Variants in SPRY2 observed in about 807,000 individuals in gnomAD.
SPRY2 encodes the protein protein sprouty homolog 2.
In SPRY2, 10 loss-of-function variants were observed where a neutral mutation model predicts 23.4. The ratio of observed to expected loss-of-function variants is 0.43; its 90% CI spans 0.26 to 0.73. The LOEUF is 0.73. Ranked by LOEUF, SPRY2 falls within the 30% of genes least tolerant of loss-of-function variation. The pLI is 0.22. For synonymous variants in SPRY2, 170 were observed against 156.9 expected (o/e 1.08, Z -0.62); for missense variants, 344 against 396.9 (o/e 0.87, Z 1.13).
intron 1 of SPRY2, among the ~76,000 whole-genome samples, chr13:80,338,141 G>T (rs1251916331): frequency 6.6e-6 from 1 of 152,086 alleles, no homozygotes; most frequent in African/African-American, 2.4e-5. Context: ...TTTGAAATAG[G>T]TTTCCATTTG....
rs917053775 is a variant in SPRY2 at position 80,337,761 on chromosome 13, G to C, written c.-51-5C>G. 27 of 1,534,834 alleles carry C rather than the reference G, an allele frequency of 1.8e-5. No individual in the cohort carries two copies. The highest frequency in any genetic ancestry group is 2.3e-5 in the Non-Finnish European group (26 of 1,122,614). The stretch of plus-strand genomic sequence containing the variant: ...GCTTAGAACACATCTGAACTCCTGA[G>C]GAAGCCAAGAGGAAAGAACGGTTGA... On this transcript the variant is annotated splice_polypyrimidine_tract_variant and splice_region_variant and intron_variant, in intron 1 of 1. Coordinates refer to ENST00000377104, the MANE Select transcript of SPRY2 (RefSeq NM_005842.4).
In SPRY2 at chr13:80,339,973, A is replaced by C. The variant is rs537765657; in HGVS notation, c.-52+649T>G. On this transcript the variant is annotated intron_variant, in intron 1 of 1. Transcript: ENST00000377104. Reference sequence around the variant, plus strand: ...CCAGGCTGACCACGAAGAACGGAAGAGAGAGAGCTGCACTTCCGAACCGCA... The same window carrying C: ...CCAGGCTGACCACGAAGAACGGAAGCGAGAGAGCTGCACTTCCGAACCGCA... 2.0e-5 allele frequency among the ~76,000 whole-genome samples: 3 copies of C among 152,336 alleles called. No homozygotes were observed. In the East Asian group the frequency reaches 5.8e-4, roughly 29 times the overall value.
chr13:80,339,520 C>A (rs1437370138), intron 1 of SPRY2: 1 of 152,154 alleles, frequency 6.6e-6, no homozygotes, highest in Non-Finnish European at 1.5e-5. Context: ...GATTTGCTTG[C>A]AGTCAAAGTA....
Position 80,336,538 on chromosome 13 carries a change from C to G in SPRY2, c.*220G>C. 3 of 619,548 alleles carry G rather than the reference C, an allele frequency of 4.8e-6. No homozygotes were observed. In the East Asian group the frequency reaches 8.4e-5, roughly 17 times the overall value. 38.4% of individuals were successfully genotyped at this position (619,548 alleles called of 1,614,324 possible). ...TTTAGCTTATGCAATACATGGGTCA[C>G]CAAGTTCTGTATCTCATACTTTGAG... On this transcript the variant is annotated 3_prime_UTR_variant, in exon 2 of 2. Coordinates refer to ENST00000377104, the MANE Select transcript of SPRY2 (RefSeq NM_005842.4).
Position 80,337,627 on chromosome 13 carries a change from C to T in SPRY2, c.79G>A (p.Glu27Lys). Residue 27 changes from glutamate (E) to lysine (K), a missense_variant, in exon 2 of 2, where the codon GAG becomes AAG. By Grantham distance (56) the Glu-to-Lys change is moderately conservative. Transcript: ENST00000377104. ...GTGAGGGCGTCTCTGGGGTCGGGCT[C>T]CCCACGCTGTCTGCCACCGTCACGG... The part of the protein sequence containing the change: ...TPRDGGRQRG[E>K]PDPRDALTQQ... The T allele has an allele frequency of 6.2e-7, 1 of 1,614,022 alleles. No homozygotes were observed. The highest frequency in any genetic ancestry group is 8.5e-7 in the Non-Finnish European group (1 of 1,180,032).
In SPRY2 at chr13:80,337,568, G is replaced by A; in HGVS notation, c.138C>T (p.Ile46=). 1 of 1,614,136 alleles carries A rather than the reference G, an allele frequency of 6.2e-7. No individual in the cohort carries two copies. The highest frequency in any genetic ancestry group is 8.5e-7 in the Non-Finnish European group (1 of 1,180,036). The change falls in exon 2 of 2, where the codon ATC becomes ATT. Residue 46 remains isoleucine, a synonymous_variant. Transcript: ENST00000377104. ...QQVHVLSLDQ[I]RAIRNTNEYT... is the part of the protein sequence containing the mutation. Reference sequence around the variant, plus strand: ...ACTCATTGGTGTTTCGGATGGCTCTGATCTGATCCAGAGACAAGACATGTA... The same window carrying A: ...ACTCATTGGTGTTTCGGATGGCTCTAATCTGATCCAGAGACAAGACATGTA...
Position 80,337,685 on chromosome 13 carries a change from A to C in SPRY2, c.21T>G (p.Ser7Arg). ...GCAGCAAGGGCTGCGACCCGTTGCC[A>C]CTCTGAGCTCTGGCCTCCATCAGGT... MEARAQSGNGSQPLLQT... is the reference protein window; with the variant it reads MEARAQRGNGSQPLLQT... The change falls in exon 2 of 2, where the codon AGT becomes AGG. Residue 7 changes from serine (S) to arginine (R), a missense_variant. Coordinates refer to ENST00000377104, the MANE Select transcript of SPRY2 (RefSeq NM_005842.4). 8.7e-6 allele frequency: 14 copies of C among 1,611,650 alleles called. No individual in the cohort carries two copies. Among genetic ancestry groups the C allele is most frequent in the Non-Finnish European group, 1.2e-5 (14 of 1,179,968 alleles).
Position 80,336,907 on chromosome 13 carries a change from A to T in SPRY2, c.799T>A (p.Trp267Arg). 1 of 1,614,202 alleles carries T rather than the reference A, an allele frequency of 6.2e-7. No homozygotes were observed. The highest frequency in any genetic ancestry group is 8.5e-7 in the Non-Finnish European group (1 of 1,180,028). ...GVMSLFLPCL[W>R]CYLPAKGCLK... ...CAACCCTTGGCTGGAAGGTAACACCATAAACAAGGCAAAAAGAGGGACATG... is the reference window on the plus strand; with the variant it reads ...CAACCCTTGGCTGGAAGGTAACACCTTAAACAAGGCAAAAAGAGGGACATG... Residue 267 changes from tryptophan (W) to arginine (R), a missense_variant, in exon 2 of 2, where the codon TGG becomes AGG. Coordinates refer to ENST00000377104, the MANE Select transcript of SPRY2 (RefSeq NM_005842.4).
At position 80,337,054 on chromosome 13, in the gene SPRY2, AAGTCCCAT is replaced by A; in HGVS notation, c.644_651del (p.Tyr215LeufsTer14). ...AAGAGACCTTTCACACAGCATACAC[AAGTCCCAT>A]AGTCAATCACGTTCTGGGCCGAGCA... is the stretch of plus-strand genomic sequence containing the variant. On this transcript the variant is annotated frameshift_variant, in exon 2 of 2. Transcript: ENST00000377104. LOFTEE classifies it high-confidence loss of function. 1 of 1,614,230 alleles carries A rather than the reference AAGTCCCAT, an allele frequency of 6.2e-7. No individual in the cohort carries two copies. Among genetic ancestry groups the A allele is most frequent in the Non-Finnish European group, 8.5e-7 (1 of 1,180,040 alleles).
chr13:80,340,195 C>T (rs1197521116), intron 1 of SPRY2, among the ~76,000 whole-genome samples: 2 of 152,268 alleles, frequency 1.3e-5, no homozygotes, highest in African/African-American at 4.8e-5. Context: ...CTGGACTTTG[C>T]CTTCCACCAA....
rs35976440 is a variant in SPRY2 at position 80,337,280 on chromosome 13, G to C, written c.426C>G (p.Ser142=). Reference sequence around the variant, plus strand: ...GGATTATGCCATCAGCAACAGGCCCGGAGGAGAAGGATGATCCTAGCAGTC... The same window carrying C: ...GGATTATGCCATCAGCAACAGGCCCCGAGGAGAAGGATGATCCTAGCAGTC... ...EQRLLGSSFS[S]GPVADGIIRV... Residue 142 remains serine (S), a synonymous_variant, in exon 2 of 2, where the codon TCC becomes TCG. Transcript: ENST00000377104. The C allele has an allele frequency of 1.2e-6, 2 of 1,613,648 alleles. No homozygotes were observed. The highest frequency in any genetic ancestry group is 2.2e-5 in the South Asian group (2 of 91,060).
chr13:80,336,686 AG>A lies in SPRY2; in HGVS notation c.*71del. On this transcript the variant is annotated 3_prime_UTR_variant, in exon 2 of 2. Coordinates refer to ENST00000377104, the MANE Select transcript of SPRY2 (RefSeq NM_005842.4). ...AACAGTGCCAAGATTATAACTGTTT[AG>A]TTGGTTGCATATGTGTATTAAAAAA... The A allele has an allele frequency of 7.3e-7, 1 of 1,374,448 alleles. No individual in the cohort carries two copies. Among genetic ancestry groups the A allele is most frequent in the Non-Finnish European group, 1.0e-6 (1 of 984,668 alleles). The allele number at this position is 1,374,448 out of a possible 1,614,324, so 85.1% of individuals were successfully genotyped here.
In SPRY2 at chr13:80,341,015, G is replaced by C. The variant is rs1450625704; in HGVS notation, c.-445C>G. ...GGCCGCGTCGTAGCGGAGGCGGCGC[G>C]GGGGCGCGGGCCGGGCCGGGCCGGG... On this transcript the variant is annotated 5_prime_UTR_variant, in exon 1 of 2. Coordinates refer to ENST00000377104, the MANE Select transcript of SPRY2 (RefSeq NM_005842.4). 6.7e-6 allele frequency: 1 copy of C among 148,624 alleles called. No homozygotes were observed. Among genetic ancestry groups the C allele is most frequent in the Admixed American group, 6.7e-5 (1 of 14,860 alleles). The allele number at this position is 148,624 out of a possible 1,614,324, so 9.2% of individuals were successfully genotyped here.
chr13:80,337,852 GA>G (rs1187987080), intron 1 of SPRY2, 96 bp from the exon 2 acceptor site: 1 of 756,908 alleles, frequency 1.3e-6, no homozygotes, highest in African/African-American at 1.7e-5. Context: ...TTTCCCTAGA[GA>G]AACAGGATTT....
In SPRY2 at chr13:80,337,192, C is replaced by A. The variant is rs765654053; in HGVS notation, c.514G>T (p.Gly172Cys). ...ELKPLSKEDLGLHAYRCEDCG... is the reference protein window; with the variant it reads ...ELKPLSKEDLCLHAYRCEDCG... Reference sequence around the variant, plus strand: ...TCCTCACACCTGTAGGCGTGCAGGCCCAAATCTTCCTTGCTCAGTGGCTTA... The same window carrying A: ...TCCTCACACCTGTAGGCGTGCAGGCACAAATCTTCCTTGCTCAGTGGCTTA... Residue 172 changes from glycine (G) to cysteine (C), a missense_variant, in exon 2 of 2, where the codon GGC (glycine) becomes TGC (cysteine). By Grantham distance (159) the Gly-to-Cys change is radical. Coordinates refer to ENST00000377104, the MANE Select transcript of SPRY2 (RefSeq NM_005842.4). 1.2e-5 allele frequency: 19 copies of A among 1,612,124 alleles called. No individual in the cohort carries two copies. Among genetic ancestry groups the A allele is most frequent in the Non-Finnish European group, 1.6e-5 (19 of 1,178,408 alleles).
chr13:80,341,066 C>G lies in SPRY2; in HGVS notation c.-496G>C, dbSNP rs1349151516. On this transcript the variant is annotated 5_prime_UTR_variant, in exon 1 of 2. Transcript: ENST00000377104. ...CGGGCGCGGGGGCCTGGGCGCTGCG[C>G]GCTCCGCCGGCCCCTCTCCTCCGCT... is the stretch of plus-strand genomic sequence containing the variant. 2 of 148,752 alleles carry G rather than the reference C, an allele frequency of 1.3e-5. No homozygotes were observed. The highest frequency in any genetic ancestry group is 4.9e-5 in the African/African-American group (2 of 40,982). 9.2% of individuals were successfully genotyped at this position (148,752 alleles called of 1,614,324 possible).
Position 80,336,647 on chromosome 13 carries a change from C to A in SPRY2, c.*111G>T, listed in dbSNP as rs770330017. On this transcript the variant is annotated 3_prime_UTR_variant, in exon 2 of 2. Transcript: ENST00000377104. Reference sequence around the variant, plus strand: ...TTTCACCGCAAACAGCAAAGACTATCCCACCTTTCTATTAACAGTGCCAAG... The same window carrying A: ...TTTCACCGCAAACAGCAAAGACTATACCACCTTTCTATTAACAGTGCCAAG... The A allele has an allele frequency of 1.7e-6, 2 of 1,147,760 alleles. No homozygotes were observed. Among genetic ancestry groups the A allele is most frequent in the Non-Finnish European group, 2.5e-6 (2 of 789,580 alleles). 71.1% of individuals were successfully genotyped at this position (1,147,760 alleles called of 1,614,324 possible). A position where few individuals can be genotyped will look rare whatever the true frequency, so the allele number is the denominator to read the frequency against.
chr13:80,337,429 T>C lies in SPRY2; in HGVS notation c.277A>G (p.Arg93Gly). The C allele has an allele frequency of 6.2e-7, 1 of 1,614,106 alleles. No individual in the cohort carries two copies. The highest frequency in any genetic ancestry group is 1.1e-5 in the South Asian group (1 of 91,086). ...GAATGGACCTGCGAGTGCTGGAGCCTAGGAGGCTGGCGGTGCTCAGGCAGA... is the reference window on the plus strand; with the variant it reads ...GAATGGACCTGCGAGTGCTGGAGCCCAGGAGGCTGGCGGTGCTCAGGCAGA... ...HGLPEHRQPP[R>G]LQHSQVHSSA... The change falls in exon 2 of 2, where the codon AGG becomes GGG. Residue 93 changes from arginine (R) to glycine (G), a missense_variant. Transcript: ENST00000377104.
In SPRY2 at chr13:80,337,239, G is replaced by C; in HGVS notation, c.467C>G (p.Ser156Cys). The C allele has an allele frequency of 6.2e-7, 1 of 1,611,982 alleles. No homozygotes were observed. The change falls in exon 2 of 2, where the codon TCT becomes TGT. Residue 156 changes from serine to cysteine, a missense_variant. Physicochemically the swap from Ser to Cys is moderately radical, Grantham distance 112 (BLOSUM62 -1). Coordinates refer to ENST00000377104, the MANE Select transcript of SPRY2 (RefSeq NM_005842.4). Reference protein sequence around the residue: ...ADGIIRVQPKSELKPGELKPL... With the variant: ...ADGIIRVQPKCELKPGELKPL... ...CTTAAGCTCACCTGGCTTGAGCTCA[G>C]ATTTGGGTTGCACCCGGATTATGCC...
Sources: allele counts gnomAD v4.1 joint callset (sites outside exome capture counted in the v4.1 genomes callset), GRCh38; gene constraint gnomAD v4.1.1; transcripts MANE v1.5; gene names NCBI Gene and HGNC (gene_info 2026-07-23, HGNC 2026-07-21).